SAMMSON: variants seen among roughly 807,000 people sequenced by gnomAD.
SAMMSON encodes survival associated mitochondrial melanoma specific oncogenic non-coding RNA.
At chr3:70,314,590 C>A (rs1575623952) in intron 7 of SAMMSON, among the ~76,000 whole-genome samples, 1 of 152,034 alleles carries the variant, frequency 6.6e-6, no homozygotes, top group Non-Finnish European at 1.5e-5. Flanking sequence ...GCAAAAATAT[C>A]TAGATGAGAA....
intron 4 of SAMMSON, among the ~76,000 whole-genome samples, chr3:70,181,792 T>A (rs1010312886): frequency 6.6e-6 from 1 of 152,172 alleles, no homozygotes; most frequent in African/African-American, 2.4e-5. Context: ...GCGAAAACAT[T>A]TTGGGTGTTC....
chr3:70,164,109 G>T (rs891067124), intron 4 of SAMMSON, among the ~76,000 whole-genome samples: 18 of 152,030 alleles, frequency 1.2e-4, no homozygotes, highest in Admixed American at 5.3e-4. Context: ...TTCATAAAAA[G>T]CCTAGTTTTT....
chr3:70,241,746 C>T (rs555982233), intron 4 of SAMMSON, among the ~76,000 whole-genome samples: 1 of 152,248 alleles, frequency 6.6e-6, no homozygotes, highest in African/African-American at 2.4e-5. Flanking sequence ...ATGTCTCACA[C>T]ACATGAGTCC....
intron 6 of SAMMSON, among the ~76,000 whole-genome samples, chr3:70,254,383 A>G (rs1459225396): frequency 6.6e-6 from 1 of 152,188 alleles, no homozygotes; most frequent in African/African-American, 2.4e-5. Flanking sequence ...TTTGTTTTGT[A>G]CAAGTTGTAC....
chr3:70,322,122 ATTACT>A (rs1029118808), intron 7 of SAMMSON, among the ~76,000 whole-genome samples: 7 of 152,114 alleles, frequency 4.6e-5, no homozygotes, highest in African/African-American at 1.7e-4. Context: ...TATATTAGAA[ATTACT>A]TTAAAATTAT....
At chr3:70,137,387 G>A (rs546024362) in intron 4 of SAMMSON, among the ~76,000 whole-genome samples, 6 of 152,204 alleles carry the variant, frequency 3.9e-5, no homozygotes, top group Admixed American at 2.0e-4. Flanking sequence ...TAAGAATGGC[G>A]TTTACATTTT....
intron 4 of SAMMSON, among the ~76,000 whole-genome samples, chr3:70,082,040 A>G (rs567148327): frequency 1.3e-5 from 2 of 152,326 alleles, no homozygotes; most frequent in South Asian, 2.1e-4. Context: ...TGACTTGGTA[A>G]TGGGAGGCCC....
At chr3:70,374,954 T>A (rs1414106398) in intron 9 of SAMMSON, among the ~76,000 whole-genome samples, 2 of 152,108 alleles carry the variant, frequency 1.3e-5, no homozygotes, top group East Asian at 3.9e-4. Context: ...ATTTCTAGGT[T>A]GTTATTTTCT....
chr3:70,283,086 T>C (rs1038665872), intron 6 of SAMMSON, among the ~76,000 whole-genome samples: 3 of 152,106 alleles, frequency 2.0e-5, no homozygotes, highest in African/African-American at 7.2e-5. Flanking sequence ...TCTCCACCAA[T>C]AGGTCTTGGG....
chr3:70,234,073 T>C (rs968089835), intron 4 of SAMMSON, among the ~76,000 whole-genome samples: 1 of 152,152 alleles, frequency 6.6e-6, no homozygotes, highest in Admixed American at 6.5e-5. Flanking sequence ...TTAATAAAAT[T>C]CTGATACACA....
At chr3:70,039,318 G>A (rs2067097454) in intron 3 of SAMMSON, among the ~76,000 whole-genome samples, 1 of 152,056 alleles carries the variant, frequency 6.6e-6, no homozygotes, top group African/African-American at 2.4e-5. Context: ...CTTAGTGGGT[G>A]TTTTTGGGTG....
intron 3 of SAMMSON, among the ~76,000 whole-genome samples, chr3:70,028,056 CCTT>C (rs1339400703): frequency 1.3e-5 from 2 of 152,074 alleles, no homozygotes; most frequent in Non-Finnish European, 2.9e-5. Context: ...TTGAGTCCTT[CCTT>C]CTTGCCTGCC....
At chr3:70,276,227 A>G (rs1702024361) in intron 6 of SAMMSON, among the ~76,000 whole-genome samples, 1 of 152,180 alleles carries the variant, frequency 6.6e-6, no homozygotes, top group African/African-American at 2.4e-5. Context: ...TTCTTGCAAT[A>G]CAATTTTTTA....
At chr3:70,374,351 A>G (rs1305742529) in intron 9 of SAMMSON, among the ~76,000 whole-genome samples, 1 of 152,158 alleles carries the variant, frequency 6.6e-6, no homozygotes, top group Non-Finnish European at 1.5e-5. Flanking sequence ...TTATTGAAAC[A>G]CAAATATTTG....
At chr3:70,209,482 G>A (rs1701321581) in intron 4 of SAMMSON, among the ~76,000 whole-genome samples, 1 of 152,050 alleles carries the variant, frequency 6.6e-6, no homozygotes, top group African/African-American at 2.4e-5. Context: ...CTAGGAGGTA[G>A]ATATTGTTAG....
At chr3:70,410,466 G>A (rs1701209401) in intron 2 of SAMMSON, among the ~76,000 whole-genome samples, 1 of 152,154 alleles carries the variant, frequency 6.6e-6, no homozygotes, top group African/African-American at 2.4e-5. Flanking sequence ...TATTTTTAAT[G>A]TGCATTTAGA....
intron 6 of SAMMSON, among the ~76,000 whole-genome samples, chr3:70,288,721 T>C (rs940065186): frequency 1.3e-5 from 2 of 151,926 alleles, no homozygotes; most frequent in Admixed American, 1.3e-4. Flanking sequence ...ACTCAGGACT[T>C]GCTTTATGAA....
intron 3 of SAMMSON, among the ~76,000 whole-genome samples, chr3:70,053,439 A>C (rs2067153752): frequency 2.0e-5 from 3 of 152,122 alleles, no homozygotes; most frequent in Non-Finnish European, 2.9e-5. Context: ...AGAGATCAGA[A>C]AGGCAAGGCA....
intron 2 of SAMMSON, among the ~76,000 whole-genome samples, chr3:70,416,648 T>C (rs1701266749): frequency 6.6e-6 from 1 of 152,184 alleles, no homozygotes; most frequent in Non-Finnish European, 1.5e-5. Flanking sequence ...ATTTCATGGC[T>C]GATTTAAATA....
Sources: gnomAD v4.1 joint callset for allele counts (sites outside exome capture counted in the v4.1 genomes callset) on GRCh38, gnomAD v4.1.1 for gene constraint, MANE v1.5 for transcripts, NCBI Gene and HGNC (gene_info 2026-07-23, HGNC 2026-07-21) for gene names.